Variants in CCBE1 observed in about 807,000 individuals in gnomAD.
CCBE1 encodes collagen and calcium binding EGF domains 1.
In CCBE1, 37 loss-of-function variants were observed where a neutral mutation model predicts 50.0. The observed-to-expected ratio is 0.74, with a 90% CI of 0.57 to 0.97. The LOEUF (loss-of-function observed/expected upper bound fraction) is 0.97, where lower values mean the gene tolerates loss of function less well. CCBE1 is among the 50% of genes least tolerant of loss of function. The pLI is 0.00. For missense variants in CCBE1, 538 were observed against 523.8 expected (o/e 1.03, Z -0.26); for synonymous variants, 234 against 203.7 (o/e 1.15, Z -1.27).
At chr18:59,505,132 C>G (rs1171924691) in intron 2 of CCBE1, among the ~76,000 whole-genome samples, 1 of 152,134 alleles carries the variant, frequency 6.6e-6, no homozygotes, top group African/African-American at 2.4e-5. Flanking sequence ...TGATAAATAT[C>G]TTGATAACAT....
At chr18:59,536,192 C>T (rs993553638) in intron 2 of CCBE1, among the ~76,000 whole-genome samples, 1 of 152,154 alleles carries the variant, frequency 6.6e-6, no homozygotes. Context: ...AATAGTGAAA[C>T]TTTGATCAAA....
At chr18:59,552,633 T>C (rs1599006694) in intron 2 of CCBE1, among the ~76,000 whole-genome samples, 2 of 152,186 alleles carry the variant, frequency 1.3e-5, no homozygotes, top group Admixed American at 1.3e-4. Context: ...TCAGTAAACC[T>C]GGTTTGGAAA....
At chr18:59,644,901 T>G (rs1183279996) in intron 2 of CCBE1, among the ~76,000 whole-genome samples, 1 of 152,216 alleles carries the variant, frequency 6.6e-6, no homozygotes, top group Non-Finnish European at 1.5e-5. Context: ...AAAAAGAGAT[T>G]ATCTCAAATT....
At chr18:59,583,308 C>A (rs1346080518) in intron 2 of CCBE1, among the ~76,000 whole-genome samples, 1 of 152,146 alleles carries the variant, frequency 6.6e-6, no homozygotes, top group Non-Finnish European at 1.5e-5. Context: ...ATAGCCTAAA[C>A]TCTACTGAAG....
chr18:59,531,499 G>A lies in CCBE1; in HGVS notation c.213-51261C>T, dbSNP rs967081064. On this transcript the variant is annotated intron_variant, in intron 2 of 10. Coordinates refer to ENST00000439986, the MANE Select transcript of CCBE1 (RefSeq NM_133459.4). ...GAGACACCTACTATGAATTTCAGAA[G>A]CACTTTGGGAGGCTGAGGCAGGAGG... 3.9e-5 allele frequency among the ~76,000 whole-genome samples: 6 copies of A among 152,152 alleles called. No homozygotes were observed. In the East Asian group the frequency reaches 9.6e-4, roughly 24 times the overall value.
chr18:59,612,805 A>C, intron 2 of CCBE1, among the ~76,000 whole-genome samples: 1 of 150,488 alleles, frequency 6.6e-6, no homozygotes, highest in Admixed American at 6.6e-5. Flanking sequence ...GAACTCAGCC[A>C]ATCTCAAGGG....
chr18:59,507,168 C>G (rs1568176923), intron 2 of CCBE1, among the ~76,000 whole-genome samples: 1 of 152,202 alleles, frequency 6.6e-6, no homozygotes, highest in African/African-American at 2.4e-5. Flanking sequence ...TATCTTCTTT[C>G]CAAAACCAAC....
chr18:59,566,552 T>C (rs2052831158), intron 2 of CCBE1, among the ~76,000 whole-genome samples: 1 of 152,194 alleles, frequency 6.6e-6, no homozygotes, highest in Non-Finnish European at 1.5e-5. Context: ...CAGGCATTTG[T>C]TTGGAAAAGG....
intron 2 of CCBE1, among the ~76,000 whole-genome samples, chr18:59,539,599 C>A (rs565251426): frequency 6.6e-6 from 1 of 152,278 alleles, no homozygotes; most frequent in Non-Finnish European, 1.5e-5. Flanking sequence ...TTTTGTTATG[C>A]AGCAATAGAT....
At chr18:59,484,623 A>T (rs1912727599) in intron 2 of CCBE1, among the ~76,000 whole-genome samples, 1 of 152,194 alleles carries the variant, frequency 6.6e-6, no homozygotes, top group South Asian at 2.1e-4. Context: ...AGGCTATGGA[A>T]CTCCATCAAG....
intron 2 of CCBE1, among the ~76,000 whole-genome samples, chr18:59,554,908 G>T (rs1202060884): frequency 6.6e-6 from 1 of 152,248 alleles, no homozygotes; most frequent in Non-Finnish European, 1.5e-5. Flanking sequence ...AATGTAGTCA[G>T]ACCGCAGGTC....
At chr18:59,617,601 G>A (rs1455015058) in intron 2 of CCBE1, among the ~76,000 whole-genome samples, 1 of 152,210 alleles carries the variant, frequency 6.6e-6, no homozygotes, top group Non-Finnish European at 1.5e-5. Context: ...AACACTGCTT[G>A]GGGCTACTTT....
rs1052129734 is a variant in CCBE1 at position 59,471,444 on chromosome 18, A to T, written c.266-1837T>A. Among the ~76,000 whole-genome samples the T allele has an allele frequency of 2.0e-5, 3 of 152,196 alleles. No homozygotes were observed. In the South Asian group the frequency reaches 6.2e-4, roughly 31 times the overall value. ...CCTCCATCTGGCCAATACAGTTATG[A>T]TGATATTTTGGTGCGGTAATTGTTA... On this transcript the variant is annotated intron_variant, in intron 3 of 10. Coordinates refer to ENST00000439986, the MANE Select transcript of CCBE1 (RefSeq NM_133459.4).
At chr18:59,522,843 T>G (rs1914659431) in intron 2 of CCBE1, among the ~76,000 whole-genome samples, 1 of 151,638 alleles carries the variant, frequency 6.6e-6, no homozygotes, top group Non-Finnish European at 1.5e-5. Flanking sequence ...ATACAAAAAA[T>G]TAGCCGGGCG....
intron 2 of CCBE1, among the ~76,000 whole-genome samples, chr18:59,522,328 G>A (rs1025699360): frequency 1.3e-5 from 2 of 152,036 alleles, no homozygotes; most frequent in Non-Finnish European, 1.5e-5. Flanking sequence ...TCGGCTAATT[G>A]ACATAAAGAA....
intron 3 of CCBE1, among the ~76,000 whole-genome samples, chr18:59,472,025 T>C (rs1404782512): frequency 3.3e-5 from 5 of 152,184 alleles, no homozygotes; most frequent in Non-Finnish European, 7.3e-5. Context: ...AGCAGCAAAA[T>C]CCAGCTTGTA....
intron 2 of CCBE1, among the ~76,000 whole-genome samples, chr18:59,687,443 ACCTT>A (rs1164616884): frequency 6.6e-6 from 1 of 152,092 alleles, no homozygotes; most frequent in Non-Finnish European, 1.5e-5. Flanking sequence ...TCATTCCTTT[ACCTT>A]CCTATTACAT....
intron 2 of CCBE1, among the ~76,000 whole-genome samples, chr18:59,612,649 A>G (rs977110364): frequency 6.6e-6 from 1 of 152,184 alleles, no homozygotes; most frequent in East Asian, 1.9e-4. Context: ...AGCCAAGATC[A>G]CACCAGCCAA....
intron 2 of CCBE1, among the ~76,000 whole-genome samples, chr18:59,674,108 C>T (rs1374660390): frequency 6.6e-6 from 1 of 152,104 alleles, no homozygotes; most frequent in Non-Finnish European, 1.5e-5. Flanking sequence ...TAATTGCTGC[C>T]TCAATTTCAG....
Sources: gnomAD v4.1 joint callset for allele counts (sites outside exome capture counted in the v4.1 genomes callset) on GRCh38, gnomAD v4.1.1 for gene constraint, MANE v1.5 for transcripts, NCBI Gene and HGNC (gene_info 2026-07-23, HGNC 2026-07-21) for gene names.